The following ARHGAP10 variants were observed in gnomAD, a reference collection of about 807,000 sequenced individuals.
The protein encoded by ARHGAP10 is Rho GTPase activating protein 10, also known as rho GTPase-activating protein 10.
In ARHGAP10, 87 loss-of-function variants were observed where a neutral mutation model predicts 108.6. The ratio of observed to expected loss-of-function variants is 0.80; its 90% CI spans 0.67 to 0.96. The LOEUF (loss-of-function observed/expected upper bound fraction) is 0.96. ARHGAP10 is among the 40% of genes least tolerant of loss of function. ARHGAP10 has a pLI of 0.00. For synonymous variants in ARHGAP10, 347 were observed against 341.1 expected (o/e 1.02, Z -0.19); for missense variants, 939 against 954.5 (o/e 0.98, Z 0.21).
chr4:147,939,389 A>G (rs1048672848), intron 13 of ARHGAP10, among the ~76,000 whole-genome samples: 13 of 152,214 alleles, frequency 8.5e-5, no homozygotes, highest in African/African-American at 2.7e-4. Flanking sequence ...TTTTGAATGA[A>G]TTTCTATGGT....
intron 1 of ARHGAP10, among the ~76,000 whole-genome samples, chr4:147,752,266 A>G (rs1414580362): frequency 6.6e-6 from 1 of 152,164 alleles, no homozygotes; most frequent in Non-Finnish European, 1.5e-5. Context: ...TATCTTGTGT[A>G]AAGTCGTGGG....
At chr4:147,754,495 A>G (rs1217586871) in intron 1 of ARHGAP10, among the ~76,000 whole-genome samples, 1 of 152,218 alleles carries the variant, frequency 6.6e-6, no homozygotes, top group Non-Finnish European at 1.5e-5. Flanking sequence ...GAGGGCCCCA[A>G]ACTGCCTCCA....
At chr4:147,772,220 G>T (rs1475505009) in intron 1 of ARHGAP10, among the ~76,000 whole-genome samples, 1 of 152,176 alleles carries the variant, frequency 6.6e-6, no homozygotes, top group Non-Finnish European at 1.5e-5. Context: ...CTTCCCAGTT[G>T]GCAGGATTAT....
At chr4:147,822,379 A>C (rs1732537098) in intron 1 of ARHGAP10, among the ~76,000 whole-genome samples, 1 of 152,248 alleles carries the variant, frequency 6.6e-6, no homozygotes, top group South Asian at 2.1e-4. Flanking sequence ...TCCTAATCAC[A>C]GCCTGAACTT....
At chr4:147,808,317 A>T (rs1731868420) in intron 1 of ARHGAP10, among the ~76,000 whole-genome samples, 1 of 150,642 alleles carries the variant, frequency 6.6e-6, no homozygotes, top group South Asian at 2.1e-4. Flanking sequence ...GAAGGAAAAA[A>T]CTTTGGCATT....
chr4:148,071,871 C>G (rs1730197451), intron 22 of ARHGAP10, 122 bp from the exon 23 acceptor site: 4 of 735,044 alleles, frequency 5.4e-6, no homozygotes, highest in Non-Finnish European at 9.0e-6. Flanking sequence ...CTTTGTGACC[C>G]AACATCCCAG....
chr4:147,953,851 G>C (rs540238190), intron 15 of ARHGAP10, among the ~76,000 whole-genome samples: 2 of 151,774 alleles, frequency 1.3e-5, no homozygotes, highest in South Asian at 4.2e-4. Context: ...AAAATGAAGT[G>C]CTTGGTTTAC....
chr4:148,059,798 C>T (rs1426745495), intron 20 of ARHGAP10, among the ~76,000 whole-genome samples: 1 of 152,180 alleles, frequency 6.6e-6, no homozygotes, highest in African/African-American at 2.4e-5. Context: ...CGGTCAGAGC[C>T]AACAGCCTCT....
chr4:148,044,472 G>T (rs1319276367), intron 19 of ARHGAP10, among the ~76,000 whole-genome samples: 10 of 152,128 alleles, frequency 6.6e-5, no homozygotes, highest in Non-Finnish European at 2.9e-5. Flanking sequence ...TGCAGCCAGG[G>T]AGCTGCTGGC....
chr4:147,781,200 A>T (rs1428126220), intron 1 of ARHGAP10, among the ~76,000 whole-genome samples: 1 of 152,102 alleles, frequency 6.6e-6, no homozygotes, highest in African/African-American at 2.4e-5. Flanking sequence ...CTACTAAAAA[A>T]TACAAAATTT....
chr4:147,829,489 A>C (rs886097721), intron 3 of ARHGAP10, among the ~76,000 whole-genome samples: 6 of 152,112 alleles, frequency 3.9e-5, no homozygotes, highest in African/African-American at 1.4e-4. Context: ...GCGCCCGGCC[A>C]GGACAGTGTT....
chr4:147,752,115 C>T (rs1729176323), intron 1 of ARHGAP10, among the ~76,000 whole-genome samples: 1 of 152,124 alleles, frequency 6.6e-6, no homozygotes, highest in Non-Finnish European at 1.5e-5. Flanking sequence ...GATCTCCTAA[C>T]CTCATGATCT....
At chr4:147,936,360 C>T (rs1428481821) in intron 13 of ARHGAP10, among the ~76,000 whole-genome samples, 8 of 103,952 alleles carry the variant, frequency 7.7e-5, no homozygotes, top group Non-Finnish European at 8.8e-5. Context: ...CTTGCTCTGT[C>T]GCCCAGGCTG....
intron 14 of ARHGAP10, among the ~76,000 whole-genome samples, chr4:147,945,888 C>T (rs115877889): frequency 1.9e-3 from 282 of 152,152 alleles, no homozygotes; most frequent in African/African-American, 6.2e-3. Flanking sequence ...GAGAGGGGGT[C>T]CCACCAGCGG....
At position 148,004,948 on chromosome 4, in the gene ARHGAP10, T is replaced by C. The variant is rs542452823; in HGVS notation, c.1717-18315T>C. On this transcript the variant is annotated intron_variant, in intron 18 of 22. Coordinates refer to ENST00000336498, the MANE Select transcript of ARHGAP10 (RefSeq NM_024605.4). ...TTTCAGCTGCTGAGATTATGCTAAT[T>C]TGTTGCACAGCAATAGAAAACTAAT... is the stretch of plus-strand genomic sequence containing the variant. 6.6e-5 allele frequency among the ~76,000 whole-genome samples: 10 copies of C among 152,316 alleles called. No individual in the cohort carries two copies. In the East Asian group the frequency reaches 1.9e-3, roughly 29 times the overall value.
At chr4:147,934,766 C>G in intron 13 of ARHGAP10, among the ~76,000 whole-genome samples, 1 of 152,126 alleles carries the variant, frequency 6.6e-6, no homozygotes, top group East Asian at 1.9e-4. Flanking sequence ...CCAAGGAGGT[C>G]AAGGCTGCAG....
At chr4:147,766,389 A>G (rs939037412) in intron 1 of ARHGAP10, among the ~76,000 whole-genome samples, 7 of 152,082 alleles carry the variant, frequency 4.6e-5, no homozygotes, top group Non-Finnish European at 1.0e-4. Context: ...TACAATGTAA[A>G]TGCTATGTAA....
At chr4:147,800,198 A>G (rs900487272) in intron 1 of ARHGAP10, among the ~76,000 whole-genome samples, 1 of 152,214 alleles carries the variant, frequency 6.6e-6, no homozygotes, top group African/African-American at 2.4e-5. Context: ...ACGTAGTCTC[A>G]GGACCCTGGA....
intron 18 of ARHGAP10, among the ~76,000 whole-genome samples, chr4:147,967,082 A>C (rs1207038729): frequency 1.3e-5 from 2 of 152,240 alleles, no homozygotes; most frequent in Non-Finnish European, 2.9e-5. Flanking sequence ...TTTAATCCAG[A>C]TGTAAGTGAA....
Sources: gnomAD v4.1 joint callset for allele counts (sites outside exome capture counted in the v4.1 genomes callset) on GRCh38, gnomAD v4.1.1 for gene constraint, MANE v1.5 for transcripts, NCBI Gene and HGNC (gene_info 2026-07-23, HGNC 2026-07-21) for gene names.